NAALADL2: variants seen among roughly 807,000 people sequenced by gnomAD.
NAALADL2 encodes the protein N-acetylated alpha-linked acidic dipeptidase like 2.
Under a neutral mutation model 87.2 loss-of-function variants are expected in NAALADL2, and 76 were observed. That is an observed-to-expected ratio of 0.87 (90% CI 0.72 to 1.05). The LOEUF is 1.05. Ranked by LOEUF, NAALADL2 falls within the 50% of genes least tolerant of loss-of-function variation. The probability of loss-of-function intolerance (pLI) is 0.00; values close to 1 mark genes in which losing one functional copy is unlikely to be tolerated. For missense variants in NAALADL2, 1,089 were observed against 945.8 expected (o/e 1.15, Z -1.99); for synonymous variants, 354 against 331.0 (o/e 1.07, Z -0.75).
intron 1 of NAALADL2, among the ~76,000 whole-genome samples, chr3:175,085,925 T>G (rs1235714961): frequency 6.6e-6 from 1 of 152,042 alleles, no homozygotes; most frequent in Non-Finnish European, 1.5e-5. Flanking sequence ...TCAGAAGATA[T>G]AGATATTTTA....
chr3:175,134,468 A>G (rs1728770927), intron 2 of NAALADL2, among the ~76,000 whole-genome samples: 1 of 152,156 alleles, frequency 6.6e-6, no homozygotes, highest in Non-Finnish European at 1.5e-5. Flanking sequence ...TTGTAGCTTA[A>G]AAATGGAAAA....
intron 1 of NAALADL2, among the ~76,000 whole-genome samples, chr3:174,897,582 T>C (rs1487701681): frequency 6.6e-6 from 1 of 152,172 alleles, no homozygotes. Context: ...TATAAATTAG[T>C]ACAATCACTA....
intron 2 of NAALADL2, among the ~76,000 whole-genome samples, chr3:174,715,337 G>A (rs1468138159): frequency 2.6e-5 from 4 of 152,092 alleles, no homozygotes; most frequent in Admixed American, 2.6e-4. Flanking sequence ...GTATAGTGTT[G>A]TATATATGTT....
chr3:174,518,782 T>C (rs746639828), intron 1 of NAALADL2, among the ~76,000 whole-genome samples: 14 of 152,184 alleles, frequency 9.2e-5, no homozygotes, highest in Admixed American at 2.0e-4. Flanking sequence ...AGGTAAACCA[T>C]TAAAAAGTTT....
At chr3:175,543,135 C>T (rs1248782093) in intron 9 of NAALADL2, among the ~76,000 whole-genome samples, 1 of 152,094 alleles carries the variant, frequency 6.6e-6, no homozygotes, top group Non-Finnish European at 1.5e-5. Flanking sequence ...AAATTCTTAT[C>T]CACCTAATAC....
Position 175,305,254 on chromosome 3 carries a change from G to GTGTGTGTGTTTGTGTA in NAALADL2, c.940-18912_940-18911insTTGTGTATGTGTGTGT, listed in dbSNP as rs1351053803. 9.4e-5 allele frequency among the ~76,000 whole-genome samples: 8 copies of GTGTGTGTGTTTGTGTA among 84,860 alleles called. No individual in the cohort carries two copies. In the East Asian group the frequency reaches 2.8e-3, roughly 29 times the overall value. 55.7% of individuals were successfully genotyped at this position (84,860 alleles called of 152,430 possible). A position where few individuals can be genotyped will look rare whatever the true frequency, so the allele number is the denominator to read the frequency against. ...TGTGTGTGTGTGTGTTTGTGTATGT[G>GTGTGTGTGTTTGTGTA]TGTGTGTGTGTGTGTGTATGTGTAT... On this transcript the variant is annotated intron_variant, in intron 4 of 13. Transcript: ENST00000454872.
chr3:174,986,026 C>T (rs1232018200), intron 1 of NAALADL2, among the ~76,000 whole-genome samples: 4 of 151,858 alleles, frequency 2.6e-5, no homozygotes, highest in South Asian at 2.1e-4. Flanking sequence ...TAATTGGTGA[C>T]GATGACATCT....
chr3:174,730,116 A>C (rs1201266185), intron 2 of NAALADL2, among the ~76,000 whole-genome samples: 1 of 151,794 alleles, frequency 6.6e-6, no homozygotes, highest in Non-Finnish European at 1.5e-5. Context: ...GCCTTTACTG[A>C]CTCCTTGTTT....
intron 3 of NAALADL2, among the ~76,000 whole-genome samples, chr3:174,759,901 A>C (rs1697993651): frequency 6.6e-6 from 1 of 151,990 alleles, no homozygotes; most frequent in South Asian, 2.1e-4. Context: ...GGGTTTTGCC[A>C]TGTTGGCCAG....
intron 3 of NAALADL2, among the ~76,000 whole-genome samples, chr3:174,758,413 G>C (rs909603022): frequency 6.6e-6 from 1 of 152,172 alleles, no homozygotes; most frequent in East Asian, 1.9e-4. Context: ...TAAATGCTCA[G>C]TGATCATTCT....
chr3:175,170,030 T>C (rs574278304), intron 2 of NAALADL2, among the ~76,000 whole-genome samples: 25 of 151,944 alleles, frequency 1.6e-4, no homozygotes, highest in African/African-American at 6.0e-4. Context: ...ATAAGCCTAC[T>C]GTGTTGACAA....
At chr3:174,924,028 G>A (rs535497364) in intron 1 of NAALADL2, among the ~76,000 whole-genome samples, 503 of 152,116 alleles carry the variant, frequency 3.3e-3, no homozygotes, top group Middle Eastern at 0.014. Context: ...ACACATAATG[G>A]TATCTTACTT....
intron 1 of NAALADL2, among the ~76,000 whole-genome samples, chr3:174,530,841 C>A (rs555742996): frequency 6.6e-6 from 1 of 152,252 alleles, no homozygotes; most frequent in South Asian, 2.1e-4. Context: ...AAAGGAGACT[C>A]CATCTCAAAA....
chr3:174,830,950 T>C (rs954101749), intron 3 of NAALADL2, among the ~76,000 whole-genome samples: 1 of 151,260 alleles, frequency 6.6e-6, no homozygotes, highest in African/African-American at 2.4e-5. Flanking sequence ...TTTTTGTACA[T>C]TGATTTTGTA....
At chr3:174,934,899 A>G (rs1737454362) in intron 1 of NAALADL2, among the ~76,000 whole-genome samples, 1 of 151,730 alleles carries the variant, frequency 6.6e-6, no homozygotes, top group South Asian at 2.1e-4. Context: ...TTTTGGGTGG[A>G]GCACCGAGAG....
intron 1 of NAALADL2, among the ~76,000 whole-genome samples, chr3:174,983,838 A>G (rs1745459436): frequency 6.6e-6 from 1 of 152,222 alleles, no homozygotes; most frequent in South Asian, 2.1e-4. Flanking sequence ...GTTGTTTACT[A>G]TCTCCATGAA....
chr3:175,027,188 T>G (rs2108893060), intron 1 of NAALADL2, among the ~76,000 whole-genome samples: 1 of 152,268 alleles, frequency 6.6e-6, no homozygotes. Flanking sequence ...CATTTGTTCA[T>G]TTAATGTATA....
chr3:175,595,114 A>G (rs932284699), intron 10 of NAALADL2, among the ~76,000 whole-genome samples: 6 of 151,982 alleles, frequency 3.9e-5, no homozygotes, highest in Non-Finnish European at 7.4e-5. Flanking sequence ...TTTGCCTAGG[A>G]TTTTTATAGC....
In NAALADL2 at chr3:174,955,190, CTT is replaced by C. The variant is rs149519995; in HGVS notation, c.43+95743_43+95744del. Among the ~76,000 whole-genome samples the C allele has an allele frequency of 5.1e-3, 780 of 152,158 alleles. 11 individuals carry two copies. The highest frequency in any genetic ancestry group is 0.018 in the African/African-American group (729 of 41,544). On this transcript the variant is annotated intron_variant, in intron 1 of 13. Transcript: ENST00000454872. ...GCATCGTCTTCTACTTATACATAAA[CTT>C]TTCTTGAAATACAACTACAAATATA...
Sources: allele counts gnomAD v4.1 joint callset (sites outside exome capture counted in the v4.1 genomes callset), GRCh38; gene constraint gnomAD v4.1.1; transcripts MANE v1.5; gene names NCBI Gene and HGNC (gene_info 2026-07-23, HGNC 2026-07-21).